Variants in MYO1G observed in about 807,000 individuals in gnomAD.
The protein encoded by MYO1G is myosin IG, also known as unconventional myosin-Ig.
A neutral mutation model predicts 115.3 loss-of-function variants in MYO1G; 65 were observed. The ratio of observed to expected loss-of-function variants is 0.56; its 90% CI spans 0.46 to 0.69. The LOEUF is 0.69. Among genes scored for constraint, MYO1G ranks in the 30% least tolerant of loss-of-function variants. The probability of loss-of-function intolerance (pLI) is 0.00; values close to 1 mark genes in which losing one functional copy is unlikely to be tolerated. For synonymous variants in MYO1G, 510 were observed against 552.6 expected (o/e 0.92, Z 1.08); for missense variants, 1,204 against 1,393.5 (o/e 0.86, Z 2.16).
chr7:44,965,888 G>A (rs763476183), intron 16 of MYO1G, 28 bp from the exon 17 acceptor site: 12 of 1,591,684 alleles, frequency 7.5e-6, no homozygotes, highest in African/African-American at 6.7e-5. Flanking sequence ...GATGGGATAC[G>A]CAGTCAAATT....
chr7:44,967,783 C>T, intron 13 of MYO1G, 46 bp from the exon 14 acceptor site: 1 of 1,611,698 alleles, frequency 6.2e-7, no homozygotes, highest in East Asian at 2.2e-5. Flanking sequence ...GGAGAGCAGC[C>T]CCACCCACCC....
rs755379520 is a variant in MYO1G, at chr7:44,966,621, C to A, written c.1949+51G>T. 1.9e-6 allele frequency: 3 copies of A among 1,607,988 alleles called. No individual in the cohort carries two copies. Among genetic ancestry groups the A allele is most frequent in the South Asian group, 2.2e-5 (2 of 90,626 alleles). The stretch of plus-strand genomic sequence containing the variant: ...GGACCCTCTGCTCCTACCCCTTGGA[C>A]TCCACACAGGGACTATGGCCCATGG... On this transcript the variant is annotated intron_variant, in intron 15 of 21. Coordinates refer to ENST00000258787, the MANE Select transcript of MYO1G (RefSeq NM_033054.3). This position sits in a 1 kb window ranked among gnomAD's most constrained non-coding sequence, Gnocchi z 5.0.
rs1289815772 is a variant in MYO1G at position 44,969,163 on chromosome 7, G to C, written c.1574+250C>G. 3 of 460,576 alleles carry C rather than the reference G, an allele frequency of 6.5e-6. No individual in the cohort carries two copies. The highest frequency in any genetic ancestry group is 1.2e-5 in the Non-Finnish European group (3 of 248,624). The allele number at this position is 460,576 out of a possible 1,614,324, so 28.5% of individuals were successfully genotyped here. On this transcript the variant is annotated intron_variant, in intron 12 of 21. Transcript: ENST00000258787. The surrounding 1 kb of genome is among the most constrained non-coding windows in gnomAD (Gnocchi z 5.0). ...CTGGTATAGGGTTGGGCCCAGACAT[G>C]AGACGTGGGTATTTTTTAAAGGCTC...
Position 44,971,694 on chromosome 7 carries a change from G to A in MYO1G, c.825C>T (p.Ile275=). The A allele has an allele frequency of 6.4e-7, 1 of 1,558,302 alleles. No individual in the cohort carries two copies. The highest frequency in any genetic ancestry group is 8.7e-7 in the Non-Finnish European group (1 of 1,150,710). The change falls in exon 7 of 22, where the codon ATC becomes ATT. Residue 275 remains isoleucine (I), a synonymous_variant. Coordinates refer to ENST00000258787, the MANE Select transcript of MYO1G (RefSeq NM_033054.3). ...TCACCAGGTGCAATATGGCAGCCAG[G>A]ATGCGATGCACAGACTCCACCTCTT... The part of the protein sequence containing the change: ...SPEEVESVHR[I]LAAILHLGNI...
In MYO1G at chr7:44,964,609, G is replaced by T. The variant is rs1583783617; in HGVS notation, c.2527-90C>A. 1.8e-6 allele frequency: 2 copies of T among 1,086,904 alleles called. No individual in the cohort carries two copies. The highest frequency in any genetic ancestry group is 2.8e-6 in the Non-Finnish European group (2 of 707,808). The allele number at this position is 1,086,904 out of a possible 1,614,324, so 67.3% of individuals were successfully genotyped here. A position where few individuals can be genotyped will look rare whatever the true frequency, so the allele number is the denominator to read the frequency against. ...TAGCAGCTGTCTGTGAATCAGCATA[G>T]CTATCCTTCATCTCGGGAAACTGAG... On this transcript the variant is annotated intron_variant, in intron 18 of 21. Coordinates refer to ENST00000258787, the MANE Select transcript of MYO1G (RefSeq NM_033054.3). The surrounding 1 kb of genome is among the most constrained non-coding windows in gnomAD (Gnocchi z 5.1).
At chr7:44,977,948 G>A (rs1795088503) in intron 1 of MYO1G, among the ~76,000 whole-genome samples, 1 of 152,222 alleles carries the variant, frequency 6.6e-6, no homozygotes, top group African/African-American at 2.4e-5. Context: ...CACGTCTCCA[G>A]GGCTCAGTGT....
At chr7:44,977,116 C>T (rs760236745) in intron 1 of MYO1G, 45 bp from the exon 2 acceptor site, 9 of 1,582,464 alleles carry the variant, frequency 5.7e-6, no homozygotes, top group African/African-American at 1.3e-5. Context: ...GGCTTACAGG[C>T]ACCCACAGGC....
At chr7:44,975,407 G>C (rs1795030285) in intron 4 of MYO1G, 77 bp downstream of exon 4, 3 of 1,563,470 alleles carry the variant, frequency 1.9e-6, no homozygotes, top group Non-Finnish European at 2.6e-6. Context: ...TGCACCGTCG[G>C]GATGGGTACC....
rs1387314884 is a variant in MYO1G, at chr7:44,964,479, C to A, written c.2567G>T (p.Arg856Leu). The A allele has an allele frequency of 1.2e-6, 2 of 1,614,040 alleles. No individual in the cohort carries two copies. Among genetic ancestry groups the A allele is most frequent in the Non-Finnish European group, 1.7e-6 (2 of 1,179,996 alleles). The part of the protein sequence containing the change: ...NPTASSLFAQ[R>L]LKTLQDKDGF... ...ATCTTTGTCCTGAAGTGTCTTTAGT[C>A]GCTGAGCAAACAGGCTTGATGCTGT... Residue 856 changes from arginine to leucine, a missense_variant, in exon 19 of 22, where the codon CGA (arginine) becomes CTA (leucine). Physicochemically the swap from Arg to Leu is moderately radical, Grantham distance 102 (BLOSUM62 -2). Coordinates refer to ENST00000258787, the MANE Select transcript of MYO1G (RefSeq NM_033054.3). This position sits in a 1 kb window ranked among gnomAD's most constrained non-coding sequence, Gnocchi z 5.1.
intron 2 of MYO1G, 97 bp from the exon 3 acceptor site, chr7:44,976,754 T>C: frequency 6.4e-7 from 1 of 1,554,414 alleles, no homozygotes; most frequent in Non-Finnish European, 8.9e-7. Context: ...CAAGATGGGG[T>C]CCTAGGGCCC....
chr7:44,969,124 C>A lies in MYO1G; in HGVS notation c.1574+289G>T. ...CCCCACATCACCAGCCTGAAGCCCC[C>A]CACCCCACAGATGCTGGTATAGGGT... On this transcript the variant is annotated intron_variant, in intron 12 of 21. Transcript: ENST00000258787. The surrounding 1 kb of genome is among the most constrained non-coding windows in gnomAD (Gnocchi z 5.0). 2.9e-6 allele frequency: 1 copy of A among 339,866 alleles called. No homozygotes were observed. The highest frequency in any genetic ancestry group is 6.4e-5 in the East Asian group (1 of 15,694). The allele number at this position is 339,866 out of a possible 1,614,324, so 21.1% of individuals were successfully genotyped here.
intron 3 of MYO1G, among the ~76,000 whole-genome samples, 180 bp from the exon 4 acceptor site, chr7:44,975,829 C>T (rs951147423): frequency 6.6e-6 from 1 of 152,222 alleles, no homozygotes; most frequent in Non-Finnish European, 1.5e-5. Context: ...GTGTGACGGT[C>T]ACTTCACCTC....
chr7:44,970,540 G>C, intron 9 of MYO1G, 52 bp downstream of exon 9: 1 of 1,608,118 alleles, frequency 6.2e-7, no homozygotes, highest in Non-Finnish European at 8.5e-7. Flanking sequence ...AGAACTAAGT[G>C]GGCAAAGCTG....
chr7:44,978,226 C>T (rs1288212959), intron 1 of MYO1G, among the ~76,000 whole-genome samples: 4 of 152,178 alleles, frequency 2.6e-5, no homozygotes, highest in Non-Finnish European at 5.9e-5. Context: ...CCCTACTGTG[C>T]CATGCCCCTA....
Position 44,969,805 on chromosome 7 carries a change from A to G in MYO1G, c.1403T>C (p.Leu468Pro). 1 of 1,613,320 alleles carries G rather than the reference A, an allele frequency of 6.2e-7. No homozygotes were observed. Among genetic ancestry groups the G allele is most frequent in the Non-Finnish European group, 8.5e-7 (1 of 1,179,898 alleles). ...ERPHRGILAV[L>P]DEACSSAGTI... The stretch of plus-strand genomic sequence containing the variant: ...GCCAGCAGAGCTGCAGGCCTCGTCC[A>G]GCACGGCCAGGATGCCACGGTGGGG... The change falls in exon 11 of 22, where the codon CTG (leucine) becomes CCG (proline). Residue 468 changes from leucine (L) to proline (P), a missense_variant. Physicochemically the swap from Leu to Pro is moderately conservative, Grantham distance 98 (BLOSUM62 -3). Coordinates refer to ENST00000258787, the MANE Select transcript of MYO1G (RefSeq NM_033054.3). The surrounding 1 kb of genome is among the most constrained non-coding windows in gnomAD (Gnocchi z 5.0).
rs767042261 is a variant in MYO1G, at chr7:44,965,732, T to G, written c.2286A>C (p.Ala762=). The G allele has an allele frequency of 1.2e-6, 2 of 1,611,520 alleles. No individual in the cohort carries two copies. The highest frequency in any genetic ancestry group is 1.7e-6 in the Non-Finnish European group (2 of 1,179,880). Residue 762 remains alanine, a synonymous_variant, in exon 17 of 22, where the codon GCA becomes GCC. Coordinates refer to ENST00000258787, the MANE Select transcript of MYO1G (RefSeq NM_033054.3). The stretch of plus-strand genomic sequence containing the variant: ...CACGCCCGTAGAGTGGCGGCTGCCT[T>G]GCAGCCTGGAATCGCCGCTGCAGCT... ...LAELQRRFQA[A]RQPPLYGRDL...
rs756286303 is a variant in MYO1G at position 44,978,998 on chromosome 7, G to C, written c.-37C>G. 2 of 1,591,388 alleles carry C rather than the reference G, an allele frequency of 1.3e-6. No individual in the cohort carries two copies. Among genetic ancestry groups the C allele is most frequent in the Non-Finnish European group, 1.7e-6 (2 of 1,159,394 alleles). On this transcript the variant is annotated 5_prime_UTR_variant, in exon 1 of 22. Coordinates refer to ENST00000258787, the MANE Select transcript of MYO1G (RefSeq NM_033054.3). Reference sequence around the variant, plus strand: ...GAAACACCTTGCCTCACCTTCCTGTGCCTGCTGGAAGGACAGTGAAGGAGA... The same window carrying C: ...GAAACACCTTGCCTCACCTTCCTGTCCCTGCTGGAAGGACAGTGAAGGAGA...
At chr7:44,972,786 G>C (rs1175910023) in intron 5 of MYO1G, 1 of 154,070 alleles carries the variant, frequency 6.5e-6, no homozygotes, top group East Asian at 1.9e-4. Context: ...CGTCTGTGGA[G>C]ACACAACTGG....
Position 44,963,013 on chromosome 7 carries a change from G to T in MYO1G, c.2857C>A (p.Arg953Ser). The change falls in exon 21 of 22, where the codon CGC becomes AGC. Residue 953 changes from arginine to serine, a missense_variant. Coordinates refer to ENST00000258787, the MANE Select transcript of MYO1G (RefSeq NM_033054.3). This position sits in a 1 kb window ranked among gnomAD's most constrained non-coding sequence, Gnocchi z 4.1. ...LHRSRPPLDN[R>S]VGELVGVLAA... ...AGCACGCCCACCAGCTCCCCAACGCGGTTGTCCAATGGCGGCCGGGAGCGG... is the reference window on the plus strand; with the variant it reads ...AGCACGCCCACCAGCTCCCCAACGCTGTTGTCCAATGGCGGCCGGGAGCGG... 1 of 1,533,070 alleles carries T rather than the reference G, an allele frequency of 6.5e-7. No homozygotes were observed. 95.0% of individuals were successfully genotyped at this position (1,533,070 alleles called of 1,614,324 possible). A position where few individuals can be genotyped will look rare whatever the true frequency, so the allele number is the denominator to read the frequency against.
Sources: gnomAD v4.1 joint callset for allele counts (sites outside exome capture counted in the v4.1 genomes callset) on GRCh38, gnomAD v4.1.1 for gene constraint, Gnocchi (gnomAD v3.1) non-coding constraint, MANE v1.5 for transcripts, NCBI Gene and HGNC (gene_info 2026-07-23, HGNC 2026-07-21) for gene names.